The following SAMD4A variants were observed in gnomAD, a reference collection of about 807,000 sequenced individuals.
The protein encoded by SAMD4A is sterile alpha motif domain containing 4A, also known as protein Smaug homolog 1.
Under a neutral mutation model 81.3 loss-of-function variants are expected in SAMD4A, and 33 were observed. The ratio of observed to expected loss-of-function variants is 0.41; its 90% CI spans 0.31 to 0.54. SAMD4A has a LOEUF of 0.54. SAMD4A is among the 20% of genes least tolerant of loss of function. SAMD4A has a pLI of 0.37. For missense variants in SAMD4A, 854 were observed against 951.1 expected, an observed-to-expected ratio of 0.90 and a Z score of 1.34; for synonymous variants, 389 against 382.1, an observed-to-expected ratio of 1.02 and a Z score of -0.21.
chr14:54,748,746 A>T, intron 4 of SAMD4A, 69 bp from the exon 5 acceptor site: 1 of 1,061,118 alleles, frequency 9.4e-7, no homozygotes, highest in Non-Finnish European at 1.4e-6. Flanking sequence ...CTCTGTTCCT[A>T]CATCTCTCGT....
chr14:54,571,451 A>G (rs933813931), intron 2 of SAMD4A, among the ~76,000 whole-genome samples: 1 of 152,228 alleles, frequency 6.6e-6, no homozygotes, highest in Non-Finnish European at 1.5e-5. Flanking sequence ...AGTAGCAAAA[A>G]TGCAACCCAC....
intron 3 of SAMD4A, among the ~76,000 whole-genome samples, chr14:54,723,391 C>T (rs1348013993): frequency 6.6e-6 from 1 of 152,150 alleles, no homozygotes; most frequent in Non-Finnish European, 1.5e-5. Context: ...GAATAGCCAA[C>T]TTGCAGACAG....
chr14:54,620,049 C>T (rs769570324), intron 2 of SAMD4A, among the ~76,000 whole-genome samples: 2 of 151,958 alleles, frequency 1.3e-5, no homozygotes, highest in African/African-American at 4.8e-5. Context: ...AGTCATCCAA[C>T]TAAAACTGAT....
intron 7 of SAMD4A, among the ~76,000 whole-genome samples, chr14:54,762,913 GGCGC>G (rs2038440672): frequency 6.7e-6 from 1 of 149,694 alleles, no homozygotes. Context: ...GGAGTGCAGT[GGCGC>G]GATCTAGGCT....
intron 3 of SAMD4A, among the ~76,000 whole-genome samples, chr14:54,711,670 A>G (rs977659174): frequency 6.6e-6 from 1 of 152,068 alleles, no homozygotes; most frequent in African/African-American, 2.4e-5. Flanking sequence ...TCGGGGGAGG[A>G]CATTGGTTTG....
At chr14:54,605,055 G>A (rs2140239642) in intron 2 of SAMD4A, among the ~76,000 whole-genome samples, 1 of 152,316 alleles carries the variant, frequency 6.6e-6, no homozygotes, top group Non-Finnish European at 1.5e-5. Flanking sequence ...TTTAAGAACA[G>A]TTAAATCTTA....
At chr14:54,788,408 A>G (rs527832867) in intron 12 of SAMD4A, among the ~76,000 whole-genome samples, 3 of 151,864 alleles carry the variant, frequency 2.0e-5, no homozygotes, top group African/African-American at 7.2e-5. Flanking sequence ...TAAACCTCCA[A>G]CGCACCCTCA....
chr14:54,773,651 T>C (rs953266181), intron 9 of SAMD4A, among the ~76,000 whole-genome samples: 11 of 152,202 alleles, frequency 7.2e-5, no homozygotes, highest in Admixed American at 3.9e-4. Flanking sequence ...AGGAGAAGCA[T>C]GGACCTGCCC....
intron 2 of SAMD4A, among the ~76,000 whole-genome samples, chr14:54,626,055 T>TGCGCGCGC (rs1360303148): frequency 5.5e-5 from 6 of 108,288 alleles, no homozygotes; most frequent in East Asian, 2.9e-4. Context: ...TGTGTGTGTG[T>TGCGCGCGC]GTGTGCGCGC....
intron 2 of SAMD4A, among the ~76,000 whole-genome samples, chr14:54,620,173 G>C (rs1014405144): frequency 6.6e-6 from 1 of 152,098 alleles, no homozygotes; most frequent in Non-Finnish European, 1.5e-5. Context: ...GAAACAGAAG[G>C]CTTGGGAATT....
Position 54,775,012 on chromosome 14 carries a change from G to T in SAMD4A, c.1794G>T (p.Gln598His). Residue 598 changes from glutamine (Q) to histidine (H), a missense_variant, in exon 10 of 13, where the codon CAG (glutamine) becomes CAT (histidine). By Grantham distance (24) the Gln-to-His change is conservative (BLOSUM62 0). Transcript: ENST00000554335. ...GGGMGRRNPR[Q>H]YQIPSRNVPS... is the part of the protein sequence containing the mutation. Reference sequence around the variant, plus strand: ...GCATGGGCAGACGGAACCCGCGCCAGTACCAGATCCCCTCTCGGAACGTCC... The same window carrying T: ...GCATGGGCAGACGGAACCCGCGCCATTACCAGATCCCCTCTCGGAACGTCC... 6.2e-7 allele frequency: 1 copy of T among 1,614,224 alleles called. No individual in the cohort carries two copies. Among genetic ancestry groups the T allele is most frequent in the Non-Finnish European group, 8.5e-7 (1 of 1,180,036 alleles).
chr14:54,760,579 G>A (rs2038371597), intron 7 of SAMD4A, 85 bp downstream of exon 7: 1 of 1,353,362 alleles, frequency 7.4e-7, no homozygotes, highest in Non-Finnish European at 9.4e-7. Flanking sequence ...CCTGGGTGCT[G>A]GATAAATTCC....
intron 2 of SAMD4A, among the ~76,000 whole-genome samples, chr14:54,659,871 C>G (rs2035600288): frequency 6.6e-6 from 1 of 152,178 alleles, no homozygotes; most frequent in African/African-American, 2.4e-5. Context: ...CTGATGTCCT[C>G]ACTGTGGGTC....
At chr14:54,776,989 C>G (rs2038870536) in intron 11 of SAMD4A, among the ~76,000 whole-genome samples, 1 of 152,170 alleles carries the variant, frequency 6.6e-6, no homozygotes, top group South Asian at 2.1e-4. Flanking sequence ...TACCAGCCAT[C>G]TTTCCTTTAC....
upstream of SAMD4A, among the ~76,000 whole-genome samples, chr14:54,565,480 T>A (rs2032902509): frequency 6.6e-6 from 1 of 152,154 alleles, no homozygotes; most frequent in South Asian, 2.1e-4. The surrounding 1 kb of genome is among the most constrained non-coding windows in gnomAD (Gnocchi z 5.4). Flanking sequence ...GCCCTTGGAC[T>A]AGGGCGGCAC....
At chr14:54,777,532 G>A (rs577749847) in intron 11 of SAMD4A, among the ~76,000 whole-genome samples, 1 of 152,332 alleles carries the variant, frequency 6.6e-6, no homozygotes, top group East Asian at 1.9e-4. Flanking sequence ...TGGACCCAGG[G>A]AGCTGTAAAG....
intron 2 of SAMD4A, among the ~76,000 whole-genome samples, chr14:54,643,684 G>T (rs1318310046): frequency 6.6e-6 from 1 of 152,230 alleles, no homozygotes; most frequent in Non-Finnish European, 1.5e-5. Context: ...GTGTGGTAAA[G>T]TATTCTAGGT....
rs1357978719 is a variant in SAMD4A at position 54,760,175 on chromosome 14, G to A, written c.1191G>A (p.Gly397=). The A allele has an allele frequency of 1.2e-6, 2 of 1,612,412 alleles. No individual in the cohort carries two copies. The highest frequency in any genetic ancestry group is 3.3e-5 in the Admixed American group (2 of 59,928). Residue 397 remains glycine, a synonymous_variant, in exon 7 of 13, where the codon GGG becomes GGA. Coordinates refer to ENST00000554335, the MANE Select transcript of SAMD4A (RefSeq NM_015589.6). The part of the protein sequence containing the change: ...LKSLERDIIE[G]GSLRIPLQEL... The stretch of plus-strand genomic sequence containing the variant: ...TCACCGTCCAGGACATCATCGAGGG[G>A]GGCAGCCTGCGCATCCCGCTCCAGG...
chr14:54,748,972 C>T (rs1418888969), intron 5 of SAMD4A, 48 bp downstream of exon 5: 8 of 1,375,580 alleles, frequency 5.8e-6, no homozygotes, highest in Admixed American at 2.0e-5. Flanking sequence ...CCAGGCAGGA[C>T]CTGAAGTTCA....
Sources: gnomAD v4.1 joint callset for allele counts (sites outside exome capture counted in the v4.1 genomes callset) on GRCh38, gnomAD v4.1.1 for gene constraint, Gnocchi (gnomAD v3.1) non-coding constraint, MANE v1.5 for transcripts, NCBI Gene and HGNC (gene_info 2026-07-23, HGNC 2026-07-21) for gene names.